The following AIM2 variants were observed in gnomAD, a reference collection of about 807,000 sequenced individuals.
AIM2 encodes the protein absent in melanoma 2, also known as interferon-inducible protein AIM2.
AIM2 carries 30 observed loss-of-function variants against 27.7 expected under a neutral mutation model. The ratio of observed to expected loss-of-function variants is 1.08; its 90% CI spans 0.81 to 1.47. The LOEUF is 1.47. Among genes scored for constraint, AIM2 ranks in the 40% most tolerant of loss-of-function variants. The pLI, the probability that AIM2 is intolerant of heterozygous loss-of-function variation, is 0.00. For synonymous variants in AIM2, 141 were observed against 145.3 expected, an observed-to-expected ratio of 0.97 and a Z score of 0.21; for missense variants, 358 against 411.3, an observed-to-expected ratio of 0.87 and a Z score of 1.12.
At chr1:159,107,348 G>GT (rs137936795) in intron 1 of AIM2, among the ~76,000 whole-genome samples, 19,077 of 151,218 alleles carry the variant, frequency 0.13, 1,497 homozygotes, top group Non-Finnish European at 0.17. Context: ...ACTATAGCAT[G>GT]TTACTGAAAT....
chr1:159,141,651 A>G (rs1252915368), upstream of AIM2, among the ~76,000 whole-genome samples: 7 of 152,114 alleles, frequency 4.6e-5, no homozygotes, highest in Admixed American at 4.6e-4. Context: ...CTGGATTAGA[A>G]GTCCAGCGCG....
chr1:159,082,600 T>G (rs761440996), intron 1 of AIM2, among the ~76,000 whole-genome samples: 22 of 152,268 alleles, frequency 1.4e-4, no homozygotes, highest in Middle Eastern at 3.4e-3. Context: ...AGATGATGGC[T>G]TTTTGCTGTG....
chr1:159,063,759 G>C, intron 4 of AIM2, 85 bp from the exon 5 acceptor site: 1 of 1,342,572 alleles, frequency 7.4e-7, no homozygotes, highest in Non-Finnish European at 1.0e-6. Flanking sequence ...CCAGAAGAAG[G>C]CTCTAAAAAG....
At chr1:159,062,404 A>G (rs1355390986), downstream of AIM2, 3 of 441,712 alleles carry the variant, frequency 6.8e-6, no homozygotes, top group Non-Finnish European at 1.2e-5. Context: ...AAATTTGTAT[A>G]AACATCATAT....
chr1:159,065,147 T>C (rs1303649100), intron 4 of AIM2, among the ~76,000 whole-genome samples: 1 of 152,158 alleles, frequency 6.6e-6, no homozygotes, highest in Non-Finnish European at 1.5e-5. Context: ...GCAGGTTCTC[T>C]CTCTATGGTT....
At chr1:159,108,746 C>T (rs1557907476) in intron 1 of AIM2, among the ~76,000 whole-genome samples, 1 of 152,142 alleles carries the variant, frequency 6.6e-6, no homozygotes, top group Non-Finnish European at 1.5e-5. Flanking sequence ...TATACATCAA[C>T]AGCGTCCGAG....
chr1:159,062,869 A>C (rs1041641104), intron 5 of AIM2, 151 bp from the exon 6 acceptor site: 1 of 738,036 alleles, frequency 1.4e-6, no homozygotes, highest in African/African-American at 1.8e-5. Context: ...TCTGCCTTGG[A>C]TCATACTCCT....
chr1:159,120,499 T>A (rs1647508199), intron 1 of AIM2, among the ~76,000 whole-genome samples: 1 of 152,190 alleles, frequency 6.6e-6, no homozygotes, highest in Non-Finnish European at 1.5e-5. Context: ...TCCTAAACTG[T>A]CGTCTCGTGC....
At chr1:159,126,956 A>G (rs1647712223) in intron 1 of AIM2, among the ~76,000 whole-genome samples, 1 of 152,222 alleles carries the variant, frequency 6.6e-6, no homozygotes, top group South Asian at 2.1e-4. Flanking sequence ...GACAAACCTC[A>G]AAACACAATG....
intron 1 of AIM2, among the ~76,000 whole-genome samples, chr1:159,074,380 G>C (rs1224921237): frequency 6.6e-6 from 1 of 151,818 alleles, no homozygotes; most frequent in Admixed American, 6.6e-5. Context: ...ATGATTCAAA[G>C]TTCATTTATT....
At chr1:159,120,871 C>T (rs995619124) in intron 1 of AIM2, among the ~76,000 whole-genome samples, 1 of 152,180 alleles carries the variant, frequency 6.6e-6, no homozygotes, top group African/African-American at 2.4e-5. Flanking sequence ...ATTTACCCCA[C>T]AACAGAAAAA....
At chr1:159,131,809 T>C (rs1232954733) in intron 1 of AIM2, among the ~76,000 whole-genome samples, 2 of 152,196 alleles carry the variant, frequency 1.3e-5, no homozygotes, top group African/African-American at 2.4e-5. Context: ...CTATTTCTTA[T>C]TAATGGTATT....
chr1:159,115,578 C>T (rs575452801), intron 1 of AIM2, among the ~76,000 whole-genome samples: 14 of 152,166 alleles, frequency 9.2e-5, no homozygotes, highest in East Asian at 3.9e-4. Context: ...AAACAAAAAA[C>T]GGGGAAACGA....
intron 1 of AIM2, among the ~76,000 whole-genome samples, chr1:159,136,459 A>C (rs1321462820): frequency 6.6e-6 from 1 of 152,204 alleles, no homozygotes; most frequent in Non-Finnish European, 1.5e-5. Flanking sequence ...CATACAAGTA[A>C]ATAGCGAGAC....
Position 159,063,474 on chromosome 1 carries a change from T to C in AIM2, c.1005+12A>G, listed in dbSNP as rs550995478. ...CCCTTGGAGAGTTGACTTTGTTCCA[T>C]GCAGTTCCCACCTTTATGGTGCTAT... On this transcript the variant is annotated intron_variant, in intron 5 of 5. Transcript: ENST00000368130. 183 of 1,604,898 alleles carry C rather than the reference T, an allele frequency of 1.1e-4. 1 individual carries two copies. The South Asian group carries it at 2.0e-3, about 17-fold the overall frequency.
Position 159,062,675 on chromosome 1 carries a change from T to A in AIM2, c.*17A>T. The A allele has an allele frequency of 6.2e-7, 1 of 1,613,008 alleles. No individual in the cohort carries two copies. The highest frequency in any genetic ancestry group is 8.5e-7 in the Non-Finnish European group (1 of 1,179,236). On this transcript the variant is annotated 3_prime_UTR_variant, in exon 6 of 6. Coordinates refer to ENST00000368130, the MANE Select transcript of AIM2 (RefSeq NM_004833.3). Reference sequence around the variant, plus strand: ...GCTGCTTAGACCAGTTGGCTTGAATTGGTCCTTTTTACTTCTCTATGTTTT... The same window carrying A: ...GCTGCTTAGACCAGTTGGCTTGAATAGGTCCTTTTTACTTCTCTATGTTTT...
chr1:159,144,583 A>G (rs1648170631), upstream of AIM2, among the ~76,000 whole-genome samples: 1 of 152,190 alleles, frequency 6.6e-6, no homozygotes, highest in Non-Finnish European at 1.5e-5. Flanking sequence ...GCTGTATGTC[A>G]TTCATGTTTA....
chr1:159,075,024 A>T (rs1200188689), intron 1 of AIM2, among the ~76,000 whole-genome samples: 4 of 152,232 alleles, frequency 2.6e-5, no homozygotes, highest in Non-Finnish European at 5.9e-5. Context: ...GTTTATCAGG[A>T]TGTACTATCC....
intron 1 of AIM2, among the ~76,000 whole-genome samples, chr1:159,129,074 C>T (rs1180224447): frequency 6.6e-6 from 1 of 152,158 alleles, no homozygotes; most frequent in African/African-American, 2.4e-5. Flanking sequence ...ATGTAAGGAT[C>T]TTGAGATGAG....
Sources: allele counts gnomAD v4.1 joint callset (sites outside exome capture counted in the v4.1 genomes callset), GRCh38; gene constraint gnomAD v4.1.1; transcripts MANE v1.5; gene names NCBI Gene and HGNC (gene_info 2026-07-23, HGNC 2026-07-21).